CERS3: variants seen among roughly 807,000 people sequenced by gnomAD.
CERS3 encodes the protein LAG1 homolog, ceramide synthase 3.
Under a neutral mutation model 50.3 loss-of-function variants are expected in CERS3, and 33 were observed. The observed-to-expected ratio is 0.66, with a 90% CI of 0.50 to 0.88. The LOEUF is 0.88. Among genes scored for constraint, CERS3 ranks in the 40% least tolerant of loss-of-function variants. The probability of loss-of-function intolerance (pLI) is 0.00; values close to 1 mark genes in which losing one functional copy is unlikely to be tolerated. For missense variants in CERS3, 470 were observed against 460.3 expected (o/e 1.02, Z -0.19); for synonymous variants, 176 against 155.2 (o/e 1.13, Z -0.99).
intron 8 of CERS3, among the ~76,000 whole-genome samples, chr15:100,474,979 G>A (rs1178413465): frequency 1.3e-5 from 2 of 152,082 alleles, no homozygotes; most frequent in East Asian, 1.9e-4. Context: ...TTAAGAAGGT[G>A]TTCAATGCAC....
chr15:100,518,501 G>A (rs894003341), intron 2 of CERS3, among the ~76,000 whole-genome samples: 10 of 151,958 alleles, frequency 6.6e-5, no homozygotes, highest in African/African-American at 2.4e-4. Flanking sequence ...AAAAGTCTTG[G>A]GCATATTGTT....
intron 1 of CERS3, among the ~76,000 whole-genome samples, chr15:100,539,880 T>G: frequency 6.6e-6 from 1 of 152,232 alleles, no homozygotes; most frequent in Admixed American, 6.5e-5. Context: ...AAAGTGGTGC[T>G]GAGATTGCAG....
At chr15:100,486,114 A>G (rs1037098235) in intron 4 of CERS3, among the ~76,000 whole-genome samples, 1 of 152,178 alleles carries the variant, frequency 6.6e-6, no homozygotes, top group Admixed American at 6.5e-5. Context: ...CTAGGTTTTT[A>G]AAAATGTTGA....
At chr15:100,453,404 T>G (rs2165755) in intron 11 of CERS3, among the ~76,000 whole-genome samples, 1 of 152,148 alleles carries the variant, frequency 6.6e-6, no homozygotes, top group Non-Finnish European at 1.5e-5. Flanking sequence ...AAAATCTATA[T>G]GATCATCTCA....
At chr15:100,525,211 C>T (rs2036751084) in intron 1 of CERS3, among the ~76,000 whole-genome samples, 1 of 152,118 alleles carries the variant, frequency 6.6e-6, no homozygotes, top group African/African-American at 2.4e-5. Context: ...TCTTAGTTTC[C>T]TGGTATTTCC....
At chr15:100,501,646 A>G (rs747943575) in intron 3 of CERS3, 31 bp downstream of exon 3, 114 of 1,547,846 alleles carry the variant, frequency 7.4e-5, no homozygotes, top group Non-Finnish European at 9.8e-5. Context: ...AAAGAGGGGG[A>G]ATGGGAAGGA....
intron 1 of CERS3, among the ~76,000 whole-genome samples, chr15:100,540,223 T>C (rs1231176866): frequency 6.6e-6 from 1 of 152,140 alleles, no homozygotes; most frequent in Non-Finnish European, 1.5e-5. Flanking sequence ...GTCCCATCCC[T>C]TTCCTCTGGG....
intron 2 of CERS3, among the ~76,000 whole-genome samples, chr15:100,512,512 A>C (rs2142363122): frequency 6.6e-6 from 1 of 152,156 alleles, no homozygotes; most frequent in East Asian, 1.9e-4. Flanking sequence ...GGTTTCCAGC[A>C]AGTTCCGCTG....
intron 11 of CERS3, among the ~76,000 whole-genome samples, chr15:100,418,247 G>A (rs1389750683): frequency 1.3e-5 from 2 of 152,102 alleles, no homozygotes; most frequent in East Asian, 1.9e-4. Context: ...GGAGCTGATG[G>A]AGCTGAAAAC....
intron 3 of CERS3, among the ~76,000 whole-genome samples, chr15:100,493,813 C>A (rs778897840): frequency 6.6e-6 from 1 of 152,114 alleles, no homozygotes; most frequent in Non-Finnish European, 1.5e-5. Flanking sequence ...TAGTTTTCAA[C>A]CCTAGAACTT....
intron 4 of CERS3, among the ~76,000 whole-genome samples, chr15:100,485,306 G>C (rs1487167227): frequency 6.6e-6 from 1 of 152,122 alleles, no homozygotes; most frequent in African/African-American, 2.4e-5. Flanking sequence ...TGATGATGAT[G>C]ATTGCTTCTC....
chr15:100,524,965 TC>T, intron 1 of CERS3, among the ~76,000 whole-genome samples: 1 of 152,336 alleles, frequency 6.6e-6, no homozygotes, highest in East Asian at 1.9e-4. Context: ...AAGTACTTCA[TC>T]TTAGAACCTG....
At chr15:100,483,239 T>C (rs1173763736) in intron 5 of CERS3, among the ~76,000 whole-genome samples, 1 of 152,212 alleles carries the variant, frequency 6.6e-6, no homozygotes, top group East Asian at 1.9e-4. Context: ...TGATGTTGTA[T>C]CTGCTGGTGT....
At chr15:100,445,446 T>A (rs1039982376) in intron 11 of CERS3, among the ~76,000 whole-genome samples, 2 of 152,240 alleles carry the variant, frequency 1.3e-5, no homozygotes, top group Non-Finnish European at 1.5e-5. Flanking sequence ...CCTTTGGCAC[T>A]CTCTAATTAG....
At chr15:100,496,306 A>T (rs1471628790) in intron 3 of CERS3, among the ~76,000 whole-genome samples, 2 of 152,322 alleles carry the variant, frequency 1.3e-5, no homozygotes, top group East Asian at 3.9e-4. Context: ...CAACTAAAGG[A>T]TAAACAAGTT....
intron 2 of CERS3, among the ~76,000 whole-genome samples, chr15:100,504,485 C>T (rs537048028): frequency 1.6e-3 from 237 of 152,192 alleles, no homozygotes; most frequent in African/African-American, 4.8e-3. Flanking sequence ...TCAGGTGATC[C>T]GCCCGCCTCA....
intron 11 of CERS3, among the ~76,000 whole-genome samples, chr15:100,418,240 G>A (rs2032119375): frequency 6.6e-6 from 1 of 152,114 alleles, no homozygotes; most frequent in South Asian, 2.1e-4. Context: ...GCTTAAAGGA[G>A]CTGATGGAGC....
At chr15:100,467,156 G>C (rs1303951155) in intron 10 of CERS3, among the ~76,000 whole-genome samples, 1 of 152,034 alleles carries the variant, frequency 6.6e-6, no homozygotes, top group East Asian at 2.0e-4. Context: ...CACCTAGCCT[G>C]ATTTTCTATA....
intron 1 of CERS3, among the ~76,000 whole-genome samples, chr15:100,543,646 C>T (rs1055762779): frequency 6.6e-6 from 1 of 152,070 alleles, no homozygotes; most frequent in Admixed American, 6.6e-5. Context: ...TCTCCTGCCT[C>T]AGCCTCCCCA....
Sources: allele counts gnomAD v4.1 joint callset (sites outside exome capture counted in the v4.1 genomes callset), GRCh38; gene constraint gnomAD v4.1.1; transcripts MANE v1.5; gene names NCBI Gene and HGNC (gene_info 2026-07-23, HGNC 2026-07-21).